The following FRMD4A variants were observed in gnomAD, a reference collection of about 807,000 sequenced individuals.
FRMD4A encodes the protein FERM domain containing 4A, also known as FERM domain-containing protein 4A.
FRMD4A carries 29 observed loss-of-function variants against 129.1 expected under a neutral mutation model. The observed-to-expected ratio is 0.22, with a 90% confidence interval of 0.17 to 0.31. The LOEUF (loss-of-function observed/expected upper bound fraction) is 0.31, where lower values mean the gene tolerates loss of function less well. Among genes scored for constraint, FRMD4A ranks in the 10% least tolerant of loss-of-function variants. The pLI is 1.00. For missense variants in FRMD4A, 1,272 were observed against 1,375.8 expected (o/e 0.92, Z 1.19); for synonymous variants, 634 against 571.6 (o/e 1.11, Z -1.56).
intron 2 of FRMD4A, among the ~76,000 whole-genome samples, chr10:13,946,197 T>C (rs2095330015): frequency 6.6e-6 from 1 of 152,208 alleles, no homozygotes; most frequent in Non-Finnish European, 1.5e-5. Flanking sequence ...AAGTTCTTCC[T>C]GCACCTCAGA....
At chr10:13,916,277 G>T (rs1440732228) in intron 2 of FRMD4A, among the ~76,000 whole-genome samples, 2 of 152,148 alleles carry the variant, frequency 1.3e-5, no homozygotes, top group African/African-American at 4.8e-5. Flanking sequence ...GTTCACTTTG[G>T]CTTTGCCTCC....
At chr10:13,800,922 A>T (rs1435266974) in intron 4 of FRMD4A, among the ~76,000 whole-genome samples, 1 of 152,212 alleles carries the variant, frequency 6.6e-6, no homozygotes, top group Non-Finnish European at 1.5e-5. Flanking sequence ...TTGGTTTAAC[A>T]TTTATCAAGC....
chr10:13,959,773 T>C (rs1028057605), intron 2 of FRMD4A, among the ~76,000 whole-genome samples: 6 of 152,184 alleles, frequency 3.9e-5, no homozygotes, highest in African/African-American at 1.4e-4. Context: ...TCTACTGCCA[T>C]TCCTGGATCA....
intron 2 of FRMD4A, among the ~76,000 whole-genome samples, chr10:14,035,536 T>G (rs1433142502): frequency 2.0e-5 from 3 of 152,072 alleles, no homozygotes; most frequent in Admixed American, 6.6e-5. Context: ...ACAGGAGAGA[T>G]AAAAATATTG....
chr10:14,058,889 G>A (rs1176646683), intron 2 of FRMD4A, among the ~76,000 whole-genome samples: 1 of 152,134 alleles, frequency 6.6e-6, no homozygotes, highest in Non-Finnish European at 1.5e-5. Flanking sequence ...AGGTCACCTT[G>A]ATCACGCATA....
chr10:14,185,689 A>C (rs1351027082), intron 2 of FRMD4A, among the ~76,000 whole-genome samples: 4 of 152,214 alleles, frequency 2.6e-5, no homozygotes, highest in African/African-American at 9.6e-5. Flanking sequence ...AGAGGATAGC[A>C]GCAGCTCAAC....
At chr10:13,946,510 A>G (rs1399633581) in intron 2 of FRMD4A, among the ~76,000 whole-genome samples, 1 of 152,208 alleles carries the variant, frequency 6.6e-6, no homozygotes, top group Non-Finnish European at 1.5e-5. Flanking sequence ...TAGACACTGA[A>G]CACATCCCAC....
At chr10:13,828,723 G>T (rs1301933524) in intron 3 of FRMD4A, among the ~76,000 whole-genome samples, 1 of 151,918 alleles carries the variant, frequency 6.6e-6, no homozygotes. Flanking sequence ...GTAGAGACAG[G>T]GTTTCTCCAT....
intron 2 of FRMD4A, among the ~76,000 whole-genome samples, chr10:13,952,618 G>A (rs12267038): frequency 0.15 from 22,846 of 152,218 alleles, 1,858 homozygotes; most frequent in Admixed American, 0.17. Context: ...AATTCTAGAA[G>A]CATGATGGTT....
At chr10:13,846,527 C>T (rs758442577) in intron 3 of FRMD4A, among the ~76,000 whole-genome samples, 1 of 152,164 alleles carries the variant, frequency 6.6e-6, no homozygotes, top group Non-Finnish European at 1.5e-5. Flanking sequence ...GTTTGAGAAT[C>T]GTTGGTCTAC....
At chr10:14,233,066 T>C (rs79632201) in intron 2 of FRMD4A, among the ~76,000 whole-genome samples, 75 of 152,344 alleles carry the variant, frequency 4.9e-4, no homozygotes, top group African/African-American at 1.8e-3. Context: ...TGGCATTTTC[T>C]TAATCCTCTG....
At chr10:13,762,267 A>C (rs1588601530) in intron 7 of FRMD4A, among the ~76,000 whole-genome samples, 1 of 152,186 alleles carries the variant, frequency 6.6e-6, no homozygotes, top group South Asian at 2.1e-4. Flanking sequence ...TCTAGGGGGC[A>C]GAACATGATT....
intron 2 of FRMD4A, among the ~76,000 whole-genome samples, chr10:14,087,273 AT>A (rs1836340964): frequency 6.8e-6 from 1 of 147,492 alleles, no homozygotes; most frequent in Non-Finnish European, 1.5e-5. Context: ...TTATAAATTA[AT>A]TAATATATGT....
intron 2 of FRMD4A, among the ~76,000 whole-genome samples, chr10:14,089,321 T>C (rs914594000): frequency 2.0e-5 from 3 of 152,000 alleles, no homozygotes; most frequent in Admixed American, 6.5e-5. Context: ...TTATTCCTTG[T>C]TTCCCCCGCT....
chr10:13,937,477 G>A (rs963516310), intron 2 of FRMD4A, among the ~76,000 whole-genome samples: 2 of 152,070 alleles, frequency 1.3e-5, no homozygotes, highest in Admixed American at 6.6e-5. Context: ...TACTTACAGC[G>A]GTGTTCCTTT....
chr10:13,780,187 C>G (rs1016324873), intron 6 of FRMD4A, among the ~76,000 whole-genome samples: 1 of 151,988 alleles, frequency 6.6e-6, no homozygotes, highest in Admixed American at 6.6e-5. Context: ...ACTAGCCAAG[C>G]GTGGTGGTGC....
At chr10:13,674,437 C>A (rs1318215731) in intron 16 of FRMD4A, among the ~76,000 whole-genome samples, 1 of 152,182 alleles carries the variant, frequency 6.6e-6, no homozygotes, top group Non-Finnish European at 1.5e-5. Context: ...ATTTTGCCAG[C>A]ACCAACTTTA....
intron 2 of FRMD4A, among the ~76,000 whole-genome samples, chr10:13,867,441 T>A (rs1039132068): frequency 1.3e-5 from 2 of 150,660 alleles, no homozygotes; most frequent in African/African-American, 4.9e-5. Flanking sequence ...TTGTATTTTT[T>A]GTAGATATGG....
chr10:14,325,873 C>T (rs1843252238), intron 2 of FRMD4A, among the ~76,000 whole-genome samples: 1 of 152,120 alleles, frequency 6.6e-6, no homozygotes, highest in South Asian at 2.1e-4. Flanking sequence ...TAAACATAGA[C>T]AAGGGAGCTG....
Sources: allele counts gnomAD v4.1 joint callset (sites outside exome capture counted in the v4.1 genomes callset), GRCh38; gene constraint gnomAD v4.1.1; transcripts MANE v1.5; gene names NCBI Gene and HGNC (gene_info 2026-07-23, HGNC 2026-07-21).